The following GATM variants were observed in gnomAD, a reference collection of about 807,000 sequenced individuals.
The protein encoded by GATM is glycine amidinotransferase, mitochondrial.
GATM carries 23 observed loss-of-function variants against 54.2 expected under a neutral mutation model. That is an observed-to-expected ratio of 0.42 (90% confidence interval 0.31 to 0.60). The LOEUF is 0.60. Ranked by LOEUF, GATM falls within the 20% of genes least tolerant of loss-of-function variation. The pLI is 0.14. For synonymous variants in GATM, 168 were observed against 183.1 expected (o/e 0.92, Z 0.67); for missense variants, 401 against 544.9 (o/e 0.74, Z 2.63).
chr15:45,387,052 C>T (rs967628252), intron 3 of GATM, among the ~76,000 whole-genome samples: 3 of 152,126 alleles, frequency 2.0e-5, no homozygotes, highest in African/African-American at 7.2e-5. Flanking sequence ...ATTGCAAAGG[C>T]TAAACTAGAA....
Position 45,362,210 on chromosome 15 carries a change from T to C in GATM, c.1171A>G (p.Ile391Val). Reference protein sequence around the residue: ...KMFEKLGITTIKVNIRNANSL... With the variant: ...KMFEKLGITTVKVNIRNANSL... ...TTGGCATTACGAATGTTAACTTTAA[T>C]GGTAGTGATACCTGCATTGAAAGAG... The change falls in exon 9 of 9, where the codon ATT becomes GTT. Residue 391 changes from isoleucine to valine, a missense_variant. Physicochemically the swap from Ile to Val is conservative, Grantham distance 29 (BLOSUM62 3). Around this residue, in one of 3 missense-constraint regions of GATM, gnomAD observed 321 missense variants for 457.5 expected, o/e 0.70. Coordinates refer to ENST00000396659, the MANE Select transcript of GATM (RefSeq NM_001482.3). 2 of 1,600,678 alleles carry C rather than the reference T, an allele frequency of 1.2e-6. No individual in the cohort carries two copies. Among genetic ancestry groups the C allele is most frequent in the South Asian group, 2.2e-5 (2 of 90,758 alleles).
At chr15:45,387,346 G>T (rs1889814887) in intron 3 of GATM, among the ~76,000 whole-genome samples, 1 of 152,110 alleles carries the variant, frequency 6.6e-6, no homozygotes, top group Admixed American at 6.5e-5. Context: ...GTAATTCCCA[G>T]ATATTTACAA....
At chr15:45,390,829 T>C (rs1042724172) in intron 3 of GATM, among the ~76,000 whole-genome samples, 2 of 152,184 alleles carry the variant, frequency 1.3e-5, no homozygotes, top group Non-Finnish European at 2.9e-5. Flanking sequence ...CTTTCAACTA[T>C]GAGAAGTCTT....
intron 8 of GATM, among the ~76,000 whole-genome samples, chr15:45,363,361 T>C (rs151001548): frequency 2.0e-5 from 3 of 152,318 alleles, no homozygotes; most frequent in African/African-American, 7.2e-5. Flanking sequence ...GGTCTAAATT[T>C]TGAATATCAG....
chr15:45,373,502 T>TA (rs1231137683), intron 2 of GATM, among the ~76,000 whole-genome samples: 3 of 136,362 alleles, frequency 2.2e-5, no homozygotes, highest in Non-Finnish European at 3.1e-5. Context: ...GATTCCATCT[T>TA]AAAAAAATAT....
At chr15:45,395,228 C>G (rs972473245) in intron 3 of GATM, among the ~76,000 whole-genome samples, 1 of 152,088 alleles carries the variant, frequency 6.6e-6, no homozygotes, top group Non-Finnish European at 1.5e-5. Flanking sequence ...GTCCCCAAGA[C>G]CAGGTCATAT....
At chr15:45,388,023 A>T (rs1016745330) in intron 3 of GATM, among the ~76,000 whole-genome samples, 18 of 152,294 alleles carry the variant, frequency 1.2e-4, no homozygotes, top group African/African-American at 4.1e-4. Context: ...ATTAATTTTT[A>T]AAAAATTAAA....
chr15:45,399,874 G>C (rs1889978369), intron 1 of GATM, among the ~76,000 whole-genome samples: 1 of 145,482 alleles, frequency 6.9e-6, no homozygotes, highest in South Asian at 2.1e-4. Context: ...ACAAATTTCT[G>C]GTCAGATTAA....
upstream of GATM, chr15:45,378,790 C>G (rs941810472): frequency 1.4e-5 from 4 of 288,382 alleles, no homozygotes; most frequent in African/African-American, 8.9e-5. Context: ...CAAGAAGGCC[C>G]GTTGGAGTCT....
chr15:45,366,165 G>A lies in GATM; in HGVS notation c.859C>T (p.Pro287Ser), dbSNP rs773358289. 25 of 1,614,106 alleles carry A rather than the reference G, an allele frequency of 1.5e-5. No homozygotes were observed. Among genetic ancestry groups the A allele is most frequent in the Non-Finnish European group, 2.0e-5 (24 of 1,179,992 alleles). The change falls in exon 6 of 9, where the codon CCA (proline) becomes TCA (serine). Residue 287 changes from proline (P) to serine (S), a missense_variant. This residue lies in a region of GATM where 321 missense variants were observed against 457.5 expected (regional missense o/e 0.70). Transcript: ENST00000396659. ...GAGATGATATGCACTCTGTAGTCTG[G>A]AGCAAGATGCCTACGCATCCATTCA... ...GIEWMRRHLA[P>S]DYRVHIISFK...
At chr15:45,398,956 A>G (rs536089829) in intron 2 of GATM, among the ~76,000 whole-genome samples, 1 of 152,312 alleles carries the variant, frequency 6.6e-6, no homozygotes, top group African/African-American at 2.4e-5. Context: ...GATTCCAATT[A>G]TTTCTTTTGA....
Position 45,369,282 on chromosome 15 carries a change from T to C in GATM, c.484+44A>G, listed in dbSNP as rs763916124. On this transcript the variant is annotated intron_variant, in intron 3 of 8. Transcript: ENST00000396659. ...TCCCCTTACACATTAAGAAAGAAAT[T>C]GAAAATTCAGACACTGGCAGTTTAG... is the stretch of plus-strand genomic sequence containing the variant. 23 of 1,562,562 alleles carry C rather than the reference T, an allele frequency of 1.5e-5. No homozygotes were observed. The Admixed American group carries it at 3.2e-4, about 22-fold the overall frequency.
chr15:45,362,069 A>G lies in GATM; in HGVS notation c.*40T>C, dbSNP rs1445628563. 3.4e-6 allele frequency: 4 copies of G among 1,188,334 alleles called. No homozygotes were observed. Among genetic ancestry groups the G allele is most frequent in the Non-Finnish European group, 5.0e-6 (4 of 793,628 alleles). 73.6% of individuals were successfully genotyped at this position (1,188,334 alleles called of 1,614,324 possible). On this transcript the variant is annotated 3_prime_UTR_variant, in exon 9 of 9. Transcript: ENST00000396659. ...AATGAACCTTGCCCCTAAGCTTCTTAGGTGTATCTGAGGCCAGCCACAAGC... is the reference window on the plus strand; with the variant it reads ...AATGAACCTTGCCCCTAAGCTTCTTGGGTGTATCTGAGGCCAGCCACAAGC...
At chr15:45,401,836 T>G (rs1890015734) in intron 1 of GATM, 3 of 152,380 alleles carry the variant, frequency 2.0e-5, no homozygotes, top group Admixed American at 6.5e-5. Context: ...TCCCTCCCAC[T>G]ATGCTGGTAC....
At chr15:45,363,559 CA>C (rs1195990272) in intron 8 of GATM, 1 of 397,138 alleles carries the variant, frequency 2.5e-6, no homozygotes, top group Admixed American at 4.2e-5. Flanking sequence ...AAAGGACCCA[CA>C]ATGATTTCTT....
At chr15:45,373,455 C>A (rs2433611) in intron 2 of GATM, 70,106 of 151,980 alleles carry the variant, frequency 0.46, 20,488 homozygotes, top group East Asian at 0.84. Context: ...GCGAGCCGAG[C>A]TCACGCCACT....
intron 2 of GATM, chr15:45,397,370 C>A (rs1595491340): frequency 6.6e-6 from 1 of 152,032 alleles, no homozygotes; most frequent in South Asian, 2.1e-4. Context: ...TCAGCCCCTA[C>A]CTCCATTCTC....
At chr15:45,385,774 AGAC>A (rs1889797328) in intron 3 of GATM, among the ~76,000 whole-genome samples, 1 of 152,192 alleles carries the variant, frequency 6.6e-6, no homozygotes, top group South Asian at 2.1e-4. Context: ...TTATCACCAG[AGAC>A]TTGGAATTGC....
At position 45,366,361 on chromosome 15, in the gene GATM, C is replaced by T. The variant is rs749360708; in HGVS notation, c.813+10G>A. The T allele has an allele frequency of 6.2e-7, 1 of 1,614,024 alleles. No homozygotes were observed. Among genetic ancestry groups the T allele is most frequent in the East Asian group, 2.2e-5 (1 of 44,886 alleles). On this transcript the variant is annotated intron_variant, in intron 5 of 8. Transcript: ENST00000396659. ...TATAGTGTGAAATTTCAGAGGCAGC[C>T]TGCGTTCACCTGGCTTCTCTGTGCA...
Sources: allele counts gnomAD v4.1 joint callset (sites outside exome capture counted in the v4.1 genomes callset), GRCh38; gene constraint gnomAD v4.1.1; regional missense constraint gnomAD v4.1.1; transcripts MANE v1.5; gene names NCBI Gene and HGNC (gene_info 2026-07-23, HGNC 2026-07-21).